MAGI2: variants seen among roughly 807,000 people sequenced by gnomAD.
MAGI2 encodes membrane associated guanylate kinase, WW and PDZ domain containing 2.
Under a neutral mutation model 133.3 loss-of-function variants are expected in MAGI2, and 35 were observed. That is an observed-to-expected ratio of 0.26 (90% CI 0.20 to 0.35). The LOEUF is 0.35. Among genes scored for constraint, MAGI2 ranks in the 10% least tolerant of loss-of-function variants. MAGI2 has a pLI of 1.00. For synonymous variants in MAGI2, 729 were observed against 710.6 expected, an observed-to-expected ratio of 1.03 and a Z score of -0.41; for missense variants, 1,636 against 1,863.4, an observed-to-expected ratio of 0.88 and a Z score of 2.25.
intron 10 of MAGI2, chr7:78,255,568 A>G (rs756728076): frequency 9.5e-6 from 4 of 421,760 alleles, no homozygotes; most frequent in East Asian, 5.3e-5. Context: ...CGTTGCTTCC[A>G]TCGTAAAAGC....
At chr7:79,089,865 G>A (rs946234149) in intron 1 of MAGI2, among the ~76,000 whole-genome samples, 1 of 152,176 alleles carries the variant, frequency 6.6e-6, no homozygotes, top group Middle Eastern at 3.4e-3. Context: ...CTAGAGGAGG[G>A]ACAGCATTAG....
At chr7:78,245,088 C>T (rs188180214) in intron 10 of MAGI2, among the ~76,000 whole-genome samples, 17 of 152,264 alleles carry the variant, frequency 1.1e-4, no homozygotes, top group Middle Eastern at 3.4e-3. Flanking sequence ...GGAGGCAAAG[C>T]GATTGTTATT....
At chr7:79,389,276 A>G (rs1303569033) in intron 1 of MAGI2, among the ~76,000 whole-genome samples, 2 of 152,134 alleles carry the variant, frequency 1.3e-5, no homozygotes, top group South Asian at 2.1e-4. Flanking sequence ...TATGGTCAGT[A>G]TGCCATAAAA....
At chr7:79,230,694 C>T (rs1831292013) in intron 1 of MAGI2, among the ~76,000 whole-genome samples, 1 of 151,546 alleles carries the variant, frequency 6.6e-6, no homozygotes, top group African/African-American at 2.4e-5. Context: ...GGATATTAGC[C>T]CTTTGTCAGA....
intron 2 of MAGI2, among the ~76,000 whole-genome samples, chr7:78,960,362 T>C (rs747030733): frequency 2.0e-4 from 30 of 152,116 alleles, no homozygotes; most frequent in Non-Finnish European, 1.2e-4. Flanking sequence ...CCATGTTACG[T>C]CAGCGTAGAC....
At chr7:78,645,205 CACTGGTGAATTCCATG>C in intron 2 of MAGI2, among the ~76,000 whole-genome samples, 1 of 151,918 alleles carries the variant, frequency 6.6e-6, no homozygotes, top group Non-Finnish European at 1.5e-5. Flanking sequence ...CAGATAGCTT[CACTGGTGAATTCCATG>C]ACATATTTAA....
intron 1 of MAGI2, among the ~76,000 whole-genome samples, chr7:79,268,087 A>G (rs1834615328): frequency 6.6e-6 from 1 of 152,156 alleles, no homozygotes. Context: ...GAGAAGCTTC[A>G]GATAAGAGAA....
intron 3 of MAGI2, among the ~76,000 whole-genome samples, chr7:78,547,992 C>T (rs1047155013): frequency 6.6e-6 from 1 of 152,194 alleles, no homozygotes; most frequent in South Asian, 2.1e-4. Flanking sequence ...GAATTGGATT[C>T]TCTCAGAATG....
At chr7:78,077,718 T>C (rs1400569339) in intron 21 of MAGI2, among the ~76,000 whole-genome samples, 3 of 144,066 alleles carry the variant, frequency 2.1e-5, no homozygotes, top group Non-Finnish European at 4.5e-5. Context: ...AAAGTACTCT[T>C]TAGAATGTTT....
intron 2 of MAGI2, among the ~76,000 whole-genome samples, chr7:78,798,020 T>C (rs1451234721): frequency 1.3e-5 from 2 of 152,162 alleles, no homozygotes; most frequent in African/African-American, 4.8e-5. Flanking sequence ...TTTTATTATT[T>C]CTGTTCAGTT....
intron 2 of MAGI2, among the ~76,000 whole-genome samples, chr7:78,786,079 C>CA (rs1368020027): frequency 6.6e-6 from 1 of 151,962 alleles, no homozygotes; most frequent in Non-Finnish European, 1.5e-5. Flanking sequence ...TATCACCCCC[C>CA]ACAACCCCTG....
Position 78,288,735 on chromosome 7 carries a change from C to G in MAGI2, c.1409-32154G>C, listed in dbSNP as rs377524520. On this transcript the variant is annotated intron_variant, in intron 9 of 21. Transcript: ENST00000354212. ...GACTGGCACCTCGTGCAGCCGGGTG[C>G]CCCTCTGAGACAAAGCTTCCAGAGG... is the stretch of plus-strand genomic sequence containing the variant. 2.8e-4 allele frequency among the ~76,000 whole-genome samples: 42 copies of G among 152,320 alleles called. No individual in the cohort carries two copies. In the East Asian group the frequency reaches 4.1e-3, roughly 15 times the overall value.
intron 1 of MAGI2, among the ~76,000 whole-genome samples, chr7:79,427,015 A>G (rs1847421139): frequency 6.6e-6 from 1 of 152,182 alleles, no homozygotes; most frequent in South Asian, 2.1e-4. Flanking sequence ...GGGCTTTATT[A>G]CAAAGCACTA....
chr7:78,891,742 G>A (rs1343900885), intron 2 of MAGI2, among the ~76,000 whole-genome samples: 3 of 152,098 alleles, frequency 2.0e-5, no homozygotes, highest in East Asian at 3.9e-4. Context: ...AATAATAAGA[G>A]CTATCTATGA....
At chr7:78,485,117 C>T (rs1398718846) in intron 6 of MAGI2, 3 of 151,926 alleles carry the variant, frequency 2.0e-5, no homozygotes, top group African/African-American at 4.8e-5. Context: ...CAGGAGGATC[C>T]CATATTACCG....
chr7:78,308,321 A>C (rs1381930999), intron 9 of MAGI2, among the ~76,000 whole-genome samples: 2 of 152,180 alleles, frequency 1.3e-5, no homozygotes, highest in Middle Eastern at 3.2e-3. Flanking sequence ...AGTGATACTC[A>C]GACACTAGGA....
chr7:78,369,784 C>CT (rs1406345695), intron 6 of MAGI2, among the ~76,000 whole-genome samples: 1 of 151,914 alleles, frequency 6.6e-6, no homozygotes, highest in Non-Finnish European at 1.5e-5. Context: ...TGTGAACATG[C>CT]TTTCCTTGAT....
chr7:78,890,441 A>T (rs1796646574), intron 2 of MAGI2, among the ~76,000 whole-genome samples: 1 of 152,160 alleles, frequency 6.6e-6, no homozygotes. Flanking sequence ...TCAGAACCAC[A>T]CCACACCTAT....
chr7:78,491,548 T>C (rs915082265), intron 5 of MAGI2, among the ~76,000 whole-genome samples: 1 of 152,132 alleles, frequency 6.6e-6, no homozygotes, highest in African/African-American at 2.4e-5. Flanking sequence ...ATAAAGGCTG[T>C]GAATTTGATC....
Sources: gnomAD v4.1 joint callset for allele counts (sites outside exome capture counted in the v4.1 genomes callset) on GRCh38, gnomAD v4.1.1 for gene constraint, MANE v1.5 for transcripts, NCBI Gene and HGNC (gene_info 2026-07-23, HGNC 2026-07-21) for gene names.